Variants in ZBTB7A observed in about 807,000 individuals in gnomAD.
ZBTB7A encodes the protein zinc finger and BTB domain containing 7A.
In ZBTB7A, 7 loss-of-function variants were observed where a neutral mutation model predicts 26.7. That is an observed-to-expected ratio of 0.26 (90% CI 0.15 to 0.49). The LOEUF (loss-of-function observed/expected upper bound fraction) is 0.49, where lower values mean the gene tolerates loss of function less well. ZBTB7A is among the 20% of genes least tolerant of loss of function. The pLI is 0.98. For missense variants in ZBTB7A, 617 were observed against 919.5 expected (o/e 0.67, Z 4.25); for synonymous variants, 452 against 441.0 (o/e 1.02, Z -0.31).
In ZBTB7A at chr19:4,043,683, T is replaced by C. The variant is rs1267500906; in HGVS notation, c.*4069A>G. Among the ~76,000 whole-genome samples, 1 of 140,786 alleles carries C rather than the reference T, an allele frequency of 7.1e-6. No homozygotes were observed. The highest frequency in any genetic ancestry group is 1.5e-5 in the Non-Finnish European group (1 of 65,852). 92.4% of individuals were successfully genotyped at this position (140,786 alleles called of 152,430 possible). ...GCCTCCAGGCAGCCCCGGCGAGGGATGGGGGTCTCCCTGGCCCCCTCCACC... is the reference window on the plus strand; with the variant it reads ...GCCTCCAGGCAGCCCCGGCGAGGGACGGGGGTCTCCCTGGCCCCCTCCACC... On this transcript the variant is annotated 3_prime_UTR_variant, in exon 3 of 3. Transcript: ENST00000322357.
chr19:4,046,200 C>A lies in ZBTB7A; in HGVS notation c.*1552G>T. ...GCGGGGGGAACACAGCACGAACACC[C>A]CACAGTCCTGCCTTCGAGGCTGACG... On this transcript the variant is annotated 3_prime_UTR_variant, in exon 3 of 3. Coordinates refer to ENST00000322357, the MANE Select transcript of ZBTB7A (RefSeq NM_015898.4). 1 of 397,380 alleles carries A rather than the reference C, an allele frequency of 2.5e-6. No individual in the cohort carries two copies. Among genetic ancestry groups the A allele is most frequent in the South Asian group, 1.4e-4 (1 of 7,112 alleles). 24.6% of individuals were successfully genotyped at this position (397,380 alleles called of 1,614,324 possible). A position where few individuals can be genotyped will look rare whatever the true frequency, so the allele number is the denominator to read the frequency against.
chr19:4,066,646 A>G (rs1413792989), intron 1 of ZBTB7A, 36 bp downstream of exon 1: 1 of 150,856 alleles, frequency 6.6e-6, no homozygotes, highest in South Asian at 2.0e-4. Flanking sequence ...CCCGCCCTGC[A>G]CCCCGTGCCG....
At position 4,048,329 on chromosome 19, in the gene ZBTB7A, C is replaced by G. The variant is rs888944483; in HGVS notation, c.1263-85G>C. The G allele has an allele frequency of 6.3e-5, 90 of 1,439,774 alleles. No homozygotes were observed. Among genetic ancestry groups the G allele is most frequent in the Non-Finnish European group, 5.9e-5 (65 of 1,103,838 alleles). 89.2% of individuals were successfully genotyped at this position (1,439,774 alleles called of 1,614,324 possible). ...CAGGGACCCTCACGGACACGGCAGG[C>G]CCTGGATCATCACCCTTGCAGAACA... On this transcript the variant is annotated intron_variant, in intron 2 of 2. Coordinates refer to ENST00000322357, the MANE Select transcript of ZBTB7A (RefSeq NM_015898.4). This position sits in a 1 kb window ranked among gnomAD's most constrained non-coding sequence, Gnocchi z 6.7.
Position 4,046,033 on chromosome 19 carries a change from G to A in ZBTB7A, c.*1719C>T. On this transcript the variant is annotated 3_prime_UTR_variant, in exon 3 of 3. Coordinates refer to ENST00000322357, the MANE Select transcript of ZBTB7A (RefSeq NM_015898.4). ...GGAGGGACAGGCGTGTTGGGGGATT[G>A]GGGGGTGCCGGATGGGGATCGGGGT... 2.5e-6 allele frequency: 1 copy of A among 399,062 alleles called. No individual in the cohort carries two copies. Among genetic ancestry groups the A allele is most frequent in the Non-Finnish European group, 4.4e-6 (1 of 226,120 alleles). 24.7% of individuals were successfully genotyped at this position (399,062 alleles called of 1,614,324 possible).
At position 4,045,087 on chromosome 19, in the gene ZBTB7A, G is replaced by C. The variant is rs971782520; in HGVS notation, c.*2665C>G. On this transcript the variant is annotated 3_prime_UTR_variant, in exon 3 of 3. Transcript: ENST00000322357. This position sits in a 1 kb window ranked among gnomAD's most constrained non-coding sequence, Gnocchi z 4.1. ...CAGGCGAAGCTGAGTGCGGAGCTAG[G>C]AACGAGGGTTTAGTGCAATCCCCGA... 6.6e-6 allele frequency: 1 copy of C among 152,230 alleles called. No individual in the cohort carries two copies. The highest frequency in any genetic ancestry group is 2.4e-5 in the African/African-American group (1 of 41,430). 9.4% of individuals were successfully genotyped at this position (152,230 alleles called of 1,614,324 possible). A position where few individuals can be genotyped will look rare whatever the true frequency, so the allele number is the denominator to read the frequency against.
intron 2 of ZBTB7A, among the ~76,000 whole-genome samples, chr19:4,050,447 G>A (rs2040490514): frequency 6.6e-6 from 1 of 152,198 alleles, no homozygotes; most frequent in Non-Finnish European, 1.5e-5. Context: ...GGTTGGGTGT[G>A]ACTTGAGGGC....
rs2040454141 is a variant in ZBTB7A at position 4,048,524 on chromosome 19, T to C, written c.1263-280A>G. 6.6e-6 allele frequency among the ~76,000 whole-genome samples: 1 copy of C among 152,116 alleles called. No individual in the cohort carries two copies. The highest frequency in any genetic ancestry group is 1.5e-5 in the Non-Finnish European group (1 of 68,008). Reference sequence around the variant, plus strand: ...TCTGAACCCCGTTTCCTTTCCTTTTTTAACTTTTTAAGAGACAAAGTCTAG... The same window carrying C: ...TCTGAACCCCGTTTCCTTTCCTTTTCTAACTTTTTAAGAGACAAAGTCTAG... On this transcript the variant is annotated intron_variant, in intron 2 of 2. Transcript: ENST00000322357. This position sits in a 1 kb window ranked among gnomAD's most constrained non-coding sequence, Gnocchi z 6.7.
chr19:4,054,543 C>T lies in ZBTB7A; in HGVS notation c.690G>A (p.Pro230=), dbSNP rs763282662. The change falls in exon 2 of 3, where the codon CCG becomes CCA. Residue 230 remains proline, a synonymous_variant. Coordinates refer to ENST00000322357, the MANE Select transcript of ZBTB7A (RefSeq NM_015898.4). ...YGPGPPAERP[P]TGDGDEGDSN... ...TGTCGCCCTCGTCCCCGTCCCCCGT[C>T]GGGGGCCGCTCGGCCGGGGGGCCCG... 4.4e-5 allele frequency: 64 copies of T among 1,458,328 alleles called. No homozygotes were observed. In the African/African-American group the frequency reaches 6.5e-4, roughly 15 times the overall value. 90.3% of individuals were successfully genotyped at this position (1,458,328 alleles called of 1,614,324 possible).
Position 4,054,351 on chromosome 19 carries a change from C to T in ZBTB7A, c.882G>A (p.Pro294=), listed in dbSNP as rs532750291. 1.8e-4 allele frequency: 275 copies of T among 1,487,444 alleles called. No homozygotes were observed. The highest frequency in any genetic ancestry group is 5.4e-4 in the Middle Eastern group (3 of 5,542). The allele number at this position is 1,487,444 out of a possible 1,614,324, so 92.1% of individuals were successfully genotyped here. ...SEAAPEPGDS[P]GFLSGAAEGE... ...CCTCGGCCGCTCCCGACAGGAAGCC[C>T]GGAGAGTCGCCCGGCTCGGGGGCCG... Residue 294 remains proline, a synonymous_variant, in exon 2 of 3, where the codon CCG becomes CCA. Coordinates refer to ENST00000322357, the MANE Select transcript of ZBTB7A (RefSeq NM_015898.4).
rs759013962 is a variant in ZBTB7A at position 4,048,279 on chromosome 19, G to A, written c.1263-35C>T. 4.2e-5 allele frequency: 65 copies of A among 1,536,682 alleles called. No homozygotes were observed. Among genetic ancestry groups the A allele is most frequent in the South Asian group, 2.4e-5 (2 of 83,678 alleles). ...GGGCACGGGGCGGGCACGGTCAGTG[G>A]GGCCGGGGACCCCCGATCCCCGCCC... On this transcript the variant is annotated intron_variant, in intron 2 of 2. Coordinates refer to ENST00000322357, the MANE Select transcript of ZBTB7A (RefSeq NM_015898.4). The surrounding 1 kb of genome is among the most constrained non-coding windows in gnomAD (Gnocchi z 6.7).
chr19:4,046,834 A>G lies in ZBTB7A; in HGVS notation c.*918T>C, dbSNP rs1015292444. The G allele has an allele frequency of 2.0e-5, 3 of 150,102 alleles. No individual in the cohort carries two copies. Among genetic ancestry groups the G allele is most frequent in the African/African-American group, 7.3e-5 (3 of 40,972 alleles). The allele number at this position is 150,102 out of a possible 1,614,324, so 9.3% of individuals were successfully genotyped here. ...GGAGGAAAGAGAAAAAAAAATCTAA[A>G]AAGTGCTTTAAAAATTTGGGAGAGG... is the stretch of plus-strand genomic sequence containing the variant. On this transcript the variant is annotated 3_prime_UTR_variant, in exon 3 of 3. Transcript: ENST00000322357.
At chr19:4,049,076 A>T (rs1339572041) in intron 2 of ZBTB7A, among the ~76,000 whole-genome samples, 2 of 147,728 alleles carry the variant, frequency 1.4e-5, no homozygotes, top group African/African-American at 2.5e-5. Flanking sequence ...CCTGGGCTCA[A>T]GCCATCGTCC....
In ZBTB7A at chr19:4,048,333, G is replaced by C; in HGVS notation, c.1263-89C>G. On this transcript the variant is annotated intron_variant, in intron 2 of 2. Transcript: ENST00000322357. This position sits in a 1 kb window ranked among gnomAD's most constrained non-coding sequence, Gnocchi z 6.7. ...GACCCTCACGGACACGGCAGGCCCT[G>C]GATCATCACCCTTGCAGAACACGGA... 1 of 1,431,752 alleles carries C rather than the reference G, an allele frequency of 7.0e-7. No homozygotes were observed. Among genetic ancestry groups the C allele is most frequent in the Non-Finnish European group, 9.1e-7 (1 of 1,098,738 alleles). The allele number at this position is 1,431,752 out of a possible 1,614,324, so 88.7% of individuals were successfully genotyped here.
chr19:4,055,559 A>C, intron 1 of ZBTB7A: 224 of 830,416 alleles, frequency 2.7e-4, no homozygotes, highest in Non-Finnish European at 3.0e-4. Context: ...GCGGTGGCTC[A>C]CGCCTGTAAT....
chr19:4,063,294 C>T (rs2040658479), intron 1 of ZBTB7A, among the ~76,000 whole-genome samples: 1 of 152,190 alleles, frequency 6.6e-6, no homozygotes, highest in African/African-American at 2.4e-5. Flanking sequence ...CATCCAAGGT[C>T]GCAGAGCAAG....
In ZBTB7A at chr19:4,052,768, G is replaced by A. The variant is rs1397344728; in HGVS notation, c.1262+1203C>T. On this transcript the variant is annotated intron_variant, in intron 2 of 2. Transcript: ENST00000322357. This position sits in a 1 kb window ranked among gnomAD's most constrained non-coding sequence, Gnocchi z 4.9. ...CCTGAGACCGAATTGCAAACTGCCC[G>A]GGCCTGGCCTTGAACTCCTGCTGTT... 5.9e-5 allele frequency among the ~76,000 whole-genome samples: 9 copies of A among 152,260 alleles called. No individual in the cohort carries two copies. The South Asian group carries it at 6.2e-4, about 11-fold the overall frequency.
intron 1 of ZBTB7A, among the ~76,000 whole-genome samples, chr19:4,059,056 G>A (rs1286956496): frequency 6.6e-6 from 1 of 152,196 alleles, no homozygotes; most frequent in African/African-American, 2.4e-5. Context: ...CCCCTTTGGT[G>A]GTGTCCACCC....
At position 4,048,977 on chromosome 19, in the gene ZBTB7A, A is replaced by C. The variant is rs1185644613; in HGVS notation, c.1263-733T>G. 2.4e-5 allele frequency among the ~76,000 whole-genome samples: 2 copies of C among 82,492 alleles called. No individual in the cohort carries two copies. Among genetic ancestry groups the C allele is most frequent in the African/African-American group, 6.3e-5 (1 of 15,946 alleles). The allele number at this position is 82,492 out of a possible 152,430, so 54.1% of individuals were successfully genotyped here. A position where few individuals can be genotyped will look rare whatever the true frequency, so the allele number is the denominator to read the frequency against. On this transcript the variant is annotated intron_variant, in intron 2 of 2. Coordinates refer to ENST00000322357, the MANE Select transcript of ZBTB7A (RefSeq NM_015898.4). The surrounding 1 kb of genome is among the most constrained non-coding windows in gnomAD (Gnocchi z 6.7). ...TCGGTGACAGAATGAGACTGTCTCCAAAAAAAAAAAAAAAGAGAGGCAGGG... is the reference window on the plus strand; with the variant it reads ...TCGGTGACAGAATGAGACTGTCTCCCAAAAAAAAAAAAAAGAGAGGCAGGG...
rs1456730526 is a variant in ZBTB7A, at chr19:4,063,216, G to A, written c.-16+3466C>T. On this transcript the variant is annotated intron_variant, in intron 1 of 2. Transcript: ENST00000322357. ...AAAGACACCACGGGTGGCTTTGCAGGCAGCAGCTGGGGGACCCTCCACAGC... is the reference window on the plus strand; with the variant it reads ...AAAGACACCACGGGTGGCTTTGCAGACAGCAGCTGGGGGACCCTCCACAGC... 2.0e-5 allele frequency among the ~76,000 whole-genome samples: 3 copies of A among 152,288 alleles called. No individual in the cohort carries two copies. The East Asian group carries it at 5.8e-4, about 29-fold the overall frequency.
Sources: gnomAD v4.1 joint callset for allele counts (sites outside exome capture counted in the v4.1 genomes callset) on GRCh38, gnomAD v4.1.1 for gene constraint, Gnocchi (gnomAD v3.1) non-coding constraint, MANE v1.5 for transcripts, NCBI Gene and HGNC (gene_info 2026-07-23, HGNC 2026-07-21) for gene names.